ARHGEF10: variants seen among roughly 807,000 people sequenced by gnomAD.
ARHGEF10 encodes Rho guanine nucleotide exchange factor (GEF) 10.
Under a neutral mutation model 147.4 loss-of-function variants are expected in ARHGEF10, and 140 were observed. The ratio of observed to expected loss-of-function variants is 0.95; its 90% CI spans 0.83 to 1.09. ARHGEF10 has a LOEUF of 1.09. ARHGEF10 is among the 50% of genes least tolerant of loss of function. The pLI, the probability that ARHGEF10 is intolerant of heterozygous loss-of-function variation, is 0.00. For missense variants in ARHGEF10, 2,222 were observed against 1,752.7 expected (o/e 1.27, Z -4.78); for synonymous variants, 902 against 695.8 (o/e 1.30, Z -4.67).
intron 18 of ARHGEF10, among the ~76,000 whole-genome samples, chr8:1,911,656 A>T (rs904196793): frequency 6.6e-6 from 1 of 152,282 alleles, no homozygotes; most frequent in East Asian, 1.9e-4. Flanking sequence ...TCCAGGGTGG[A>T]CCGACAGTCT....
At chr8:1,911,461 A>G (rs1175328953) in intron 18 of ARHGEF10, among the ~76,000 whole-genome samples, 3 of 152,234 alleles carry the variant, frequency 2.0e-5, no homozygotes, top group African/African-American at 7.2e-5. Flanking sequence ...TTTTAAAACA[A>G]ATTATTTAAA....
At position 1,937,304 on chromosome 8, in the gene ARHGEF10, C is replaced by T. The variant is rs371625971; in HGVS notation, c.3222+3362C>T. Among the ~76,000 whole-genome samples, 21 of 152,312 alleles carry T rather than the reference C, an allele frequency of 1.4e-4. No homozygotes were observed. The East Asian group carries it at 3.7e-3, about 27-fold the overall frequency. Reference sequence around the variant, plus strand: ...AGCCCCGTGGATGCGGTCACAGCTTCTTGAGTTTTTCACAGCCCTTGTACC... The same window carrying T: ...AGCCCCGTGGATGCGGTCACAGCTTTTTGAGTTTTTCACAGCCCTTGTACC... On this transcript the variant is annotated intron_variant, in intron 26 of 28. Coordinates refer to ENST00000349830, the MANE Select transcript of ARHGEF10 (RefSeq NM_014629.4). This position sits in a 1 kb window ranked among gnomAD's most constrained non-coding sequence, Gnocchi z 4.9.
Position 1,933,905 on chromosome 8 carries a change from A to G in ARHGEF10, c.3185A>G (p.Gln1062Arg), listed in dbSNP as rs1466000128. The change falls in exon 26 of 29, where the codon CAA (glutamine) becomes CGA (arginine). Residue 1062 changes from glutamine to arginine, a missense_variant. Physicochemically the swap from Gln to Arg is conservative, Grantham distance 43. Coordinates refer to ENST00000349830, the MANE Select transcript of ARHGEF10 (RefSeq NM_014629.4). ...EDTLWAASGG[Q>R]VFIISVETHA... ...ACGTTGTGGGCGGCTTCCGGAGGTC[A>G]AGTCTTCATCATCAGTGTGGAGACT... 6.2e-7 allele frequency: 1 copy of G among 1,614,228 alleles called. No individual in the cohort carries two copies. The highest frequency in any genetic ancestry group is 8.5e-7 in the Non-Finnish European group (1 of 1,180,042).
intron 17 of ARHGEF10, among the ~76,000 whole-genome samples, chr8:1,907,725 G>A (rs1365309159): frequency 6.6e-6 from 1 of 152,178 alleles, no homozygotes; most frequent in Admixed American, 6.5e-5. Context: ...CCTTTCCCAC[G>A]ATGCCAGGGC....
At chr8:1,823,345 G>A (rs914770205), upstream of ARHGEF10, among the ~76,000 whole-genome samples, 1 of 151,454 alleles carries the variant, frequency 6.6e-6, no homozygotes, top group Admixed American at 6.6e-5. Context: ...GGCAGGGCCA[G>A]CTGCGGACGG....
chr8:1,918,466 G>C (rs1224079428), intron 18 of ARHGEF10, among the ~76,000 whole-genome samples: 6 of 105,796 alleles, frequency 5.7e-5, no homozygotes, highest in Admixed American at 3.1e-4. Context: ...ATGGCTGTGT[G>C]TGTGTGTGTG....
chr8:1,852,826 C>T (rs1431505496), intron 2 of ARHGEF10, among the ~76,000 whole-genome samples: 1 of 152,226 alleles, frequency 6.6e-6, no homozygotes, highest in Non-Finnish European at 1.5e-5. Flanking sequence ...AATGGCCCTG[C>T]TGTGACGGAA....
chr8:1,954,688 A>G (rs1346009479), intron 28 of ARHGEF10, among the ~76,000 whole-genome samples: 1 of 152,216 alleles, frequency 6.6e-6, no homozygotes, highest in East Asian at 1.9e-4. Context: ...TCACAACCCT[A>G]GGAAATGATG....
chr8:1,898,611 G>T (rs376287298), intron 15 of ARHGEF10, 86 bp downstream of exon 15: 1 of 1,363,898 alleles, frequency 7.3e-7, no homozygotes. Context: ...CTCCACTTTG[G>T]AATGGCTGCC....
chr8:1,899,050 A>G (rs576537340), intron 15 of ARHGEF10, among the ~76,000 whole-genome samples: 7 of 152,352 alleles, frequency 4.6e-5, no homozygotes, highest in African/African-American at 1.7e-4. Flanking sequence ...TGGTGAAAAC[A>G]CTGTCCACTG....
At chr8:1,837,821 T>C (rs1343494641) in intron 1 of ARHGEF10, among the ~76,000 whole-genome samples, 1 of 152,114 alleles carries the variant, frequency 6.6e-6, no homozygotes, top group African/African-American at 2.4e-5. Context: ...GGCAGGTGAA[T>C]CTGTGACCTT....
At chr8:1,928,375 T>C in intron 23 of ARHGEF10, 52 bp from the exon 24 acceptor site, 1 of 1,573,568 alleles carries the variant, frequency 6.4e-7, no homozygotes. Context: ...CAGCGTATTA[T>C]GGAAGCCGCC....
intron 5 of ARHGEF10, among the ~76,000 whole-genome samples, chr8:1,864,665 A>T (rs1806434670): frequency 6.6e-6 from 1 of 152,238 alleles, no homozygotes; most frequent in Non-Finnish European, 1.5e-5. Flanking sequence ...TCAGGCGTCC[A>T]GGTGTGTCCA....
chr8:1,957,120 G>A lies in ARHGEF10; in HGVS notation c.3892G>A (p.Ala1298Thr). 6.2e-7 allele frequency: 1 copy of A among 1,613,016 alleles called. No individual in the cohort carries two copies. Among genetic ancestry groups the A allele is most frequent in the Non-Finnish European group, 8.5e-7 (1 of 1,180,042 alleles). The change falls in exon 29 of 29, where the codon GCC (alanine) becomes ACC (threonine). Residue 1298 changes from alanine to threonine, a missense_variant. Transcript: ENST00000349830. ...CTCGCTGAGAAGCAAAGCACGCCGG[G>A]CCAAGAAAGCCAAGGCCAGCTCGGC... ...PVSLRSKARR[A>T]KKAKASSALV...
intron 11 of ARHGEF10, among the ~76,000 whole-genome samples, chr8:1,890,435 G>A (rs912901358): frequency 6.8e-6 from 1 of 146,452 alleles, no homozygotes; most frequent in Non-Finnish European, 1.5e-5. Flanking sequence ...ATGGGTTGAG[G>A]TTGTGAGGAG....
rs575304951 is a variant in ARHGEF10 at position 1,920,714 on chromosome 8, A to G, written c.2144-2250A>G. On this transcript the variant is annotated intron_variant, in intron 18 of 28. Coordinates refer to ENST00000349830, the MANE Select transcript of ARHGEF10 (RefSeq NM_014629.4). ...AATATGTGTGTTATGAAACATTTTAAATTATAAGCATTCTGTAAGGATAAA... is the reference window on the plus strand; with the variant it reads ...AATATGTGTGTTATGAAACATTTTAGATTATAAGCATTCTGTAAGGATAAA... 1.3e-3 allele frequency among the ~76,000 whole-genome samples: 196 copies of G among 152,314 alleles called. 1 individual carries two copies. Among genetic ancestry groups the G allele is most frequent in the African/African-American group, 4.5e-3 (188 of 41,574 alleles).
rs1054731496 is a variant in ARHGEF10 at position 1,951,724 on chromosome 8, T to A, written c.3398-981T>A. Among the ~76,000 whole-genome samples the A allele has an allele frequency of 3.5e-4, 53 of 152,246 alleles. 2 individuals carry two copies. Among genetic ancestry groups the A allele is most frequent in the Non-Finnish European group, 1.5e-5 (1 of 68,036 alleles). On this transcript the variant is annotated intron_variant, in intron 27 of 28. Coordinates refer to ENST00000349830, the MANE Select transcript of ARHGEF10 (RefSeq NM_014629.4). ...AATGGGCCTACTGTGCTCCTCAGCT[T>A]TGGGGCTAAACAGAGAAACACTGGG...
At chr8:1,825,593 G>A (rs368669147) in intron 1 of ARHGEF10, among the ~76,000 whole-genome samples, 4 of 148,750 alleles carry the variant, frequency 2.7e-5, no homozygotes, top group Non-Finnish European at 4.5e-5. Flanking sequence ...GTCCACAGAC[G>A]CCCTGCCCAC....
chr8:1,848,471 C>G (rs1045757618), intron 2 of ARHGEF10, among the ~76,000 whole-genome samples: 1 of 151,430 alleles, frequency 6.6e-6, no homozygotes. Context: ...CAGAATAACA[C>G]AGCAGGATGG....
Sources: allele counts gnomAD v4.1 joint callset (sites outside exome capture counted in the v4.1 genomes callset), GRCh38; gene constraint gnomAD v4.1.1; non-coding constraint Gnocchi (gnomAD v3.1); transcripts MANE v1.5; gene names NCBI Gene and HGNC (gene_info 2026-07-23, HGNC 2026-07-21).